The following LRP12 variants were observed in gnomAD, a reference collection of about 807,000 sequenced individuals.
The protein encoded by LRP12 is low-density lipoprotein receptor-related protein 12.
LRP12 carries 14 observed loss-of-function variants against 66.0 expected under a neutral mutation model. The ratio of observed to expected loss-of-function variants is 0.21; its 90% CI spans 0.14 to 0.33. The LOEUF is 0.33. LRP12 is among the 10% of genes least tolerant of loss of function. The pLI, the probability that LRP12 is intolerant of heterozygous loss-of-function variation, is 1.00. For synonymous variants in LRP12, 357 were observed against 359.1 expected, an observed-to-expected ratio of 0.99 and a Z score of 0.07; for missense variants, 889 against 1,053.4, an observed-to-expected ratio of 0.84 and a Z score of 2.16.
intron 1 of LRP12, among the ~76,000 whole-genome samples, chr8:104,578,608 A>G (rs547924220): frequency 6.6e-6 from 1 of 152,268 alleles, no homozygotes; most frequent in African/African-American, 2.4e-5. Context: ...AAGCAAAAAC[A>G]AAAAACTTAC....
At position 104,491,416 on chromosome 8, in the gene LRP12, G is replaced by C. The variant is rs770819286; in HGVS notation, c.1837C>G (p.Arg613Gly). The C allele has an allele frequency of 2.5e-6, 4 of 1,614,020 alleles. No individual in the cohort carries two copies. In the South Asian group the frequency reaches 4.4e-5, roughly 18 times the overall value. The change falls in exon 7 of 7, where the codon CGT becomes GGT. Residue 613 changes from arginine to glycine, a missense_variant. Transcript: ENST00000276654. ...WNRIFNFARS[R>G]HSGSLALVSA... ...ACCAAAGCCAATGACCCAGAATGAC[G>C]TGATCTTGCAAAATTAAAAATACGG...
chr8:104,530,930 G>C (rs1465611724), intron 2 of LRP12, among the ~76,000 whole-genome samples: 1 of 152,056 alleles, frequency 6.6e-6, no homozygotes, highest in African/African-American at 2.4e-5. Context: ...AATTGATGCA[G>C]GCACTGAAGC....
chr8:104,519,449 T>G (rs2140851944), intron 2 of LRP12, among the ~76,000 whole-genome samples: 1 of 152,146 alleles, frequency 6.6e-6, no homozygotes, highest in Non-Finnish European at 1.5e-5. Context: ...GGACCAAAAG[T>G]GTTTTGGATT....
At chr8:104,556,191 CT>C (rs751405595) in intron 1 of LRP12, among the ~76,000 whole-genome samples, 18 of 152,154 alleles carry the variant, frequency 1.2e-4, no homozygotes, top group Non-Finnish European at 2.2e-4. Context: ...CATTAACTGC[CT>C]ACATCAAAAA....
chr8:104,533,097 A>G (rs1229995831), intron 1 of LRP12, among the ~76,000 whole-genome samples: 1 of 152,258 alleles, frequency 6.6e-6, no homozygotes, highest in East Asian at 1.9e-4. Context: ...GAAAACATAC[A>G]TTATATTTCC....
chr8:104,570,430 C>T (rs1344823861), intron 1 of LRP12, among the ~76,000 whole-genome samples: 3 of 152,076 alleles, frequency 2.0e-5, no homozygotes, highest in Non-Finnish European at 2.9e-5. Flanking sequence ...AAATGATAGA[C>T]ACAGAACAAT....
intron 1 of LRP12, among the ~76,000 whole-genome samples, chr8:104,580,367 A>AT (rs1188124859): frequency 7.3e-5 from 11 of 151,248 alleles, no homozygotes; most frequent in Admixed American, 3.3e-4. Flanking sequence ...ATAAAAAAAA[A>AT]AAAAAAAAAA....
At chr8:104,496,368 T>C (rs1304829874) in intron 5 of LRP12, among the ~76,000 whole-genome samples, 3 of 152,210 alleles carry the variant, frequency 2.0e-5, no homozygotes, top group Non-Finnish European at 4.4e-5. Context: ...TCCTAGGTTA[T>C]TGCTTTAACA....
intron 1 of LRP12, among the ~76,000 whole-genome samples, chr8:104,555,013 T>A (rs1811783317): frequency 6.6e-6 from 1 of 152,192 alleles, no homozygotes; most frequent in African/African-American, 2.4e-5. Flanking sequence ...GAATTCTGTA[T>A]CCAGCAAAAC....
intron 1 of LRP12, among the ~76,000 whole-genome samples, chr8:104,551,464 C>A (rs1395599047): frequency 6.6e-6 from 1 of 152,112 alleles, no homozygotes; most frequent in Non-Finnish European, 1.5e-5. Context: ...TAGATCCTAT[C>A]ACCCAGATAG....
chr8:104,498,529 T>C (rs1375965733), intron 4 of LRP12, among the ~76,000 whole-genome samples: 1 of 152,210 alleles, frequency 6.6e-6, no homozygotes, highest in Non-Finnish European at 1.5e-5. Flanking sequence ...GCTTCATCCA[T>C]CCATCCAGCT....
intron 1 of LRP12, among the ~76,000 whole-genome samples, chr8:104,557,756 A>C (rs967254099): frequency 6.6e-6 from 1 of 152,176 alleles, no homozygotes; most frequent in Non-Finnish European, 1.5e-5. Flanking sequence ...TTTTCACAGA[A>C]CTAGAAAAAA....
chr8:104,560,100 C>A (rs1360369862), intron 1 of LRP12, among the ~76,000 whole-genome samples: 1 of 152,070 alleles, frequency 6.6e-6, no homozygotes, highest in Non-Finnish European at 1.5e-5. Context: ...CCTCACTATA[C>A]CTTCCAAAAT....
At chr8:104,558,174 C>A (rs1811842283) in intron 1 of LRP12, among the ~76,000 whole-genome samples, 1 of 152,034 alleles carries the variant, frequency 6.6e-6, no homozygotes, top group African/African-American at 2.4e-5. Context: ...CACACCACTG[C>A]ACTCCAGCTT....
chr8:104,572,163 T>C (rs1446067458), intron 1 of LRP12, among the ~76,000 whole-genome samples: 1 of 152,222 alleles, frequency 6.6e-6, no homozygotes, highest in Non-Finnish European at 1.5e-5. Context: ...CAAATGGTTA[T>C]GTGTTGGACA....
At chr8:104,586,370 T>C (rs1298255254) in intron 1 of LRP12, among the ~76,000 whole-genome samples, 1 of 152,254 alleles carries the variant, frequency 6.6e-6, no homozygotes, top group Non-Finnish European at 1.5e-5. Context: ...CATTTAAGAG[T>C]CACTCTGTGA....
At chr8:104,515,982 G>T (rs185226872) in intron 2 of LRP12, among the ~76,000 whole-genome samples, 3 of 152,144 alleles carry the variant, frequency 2.0e-5, no homozygotes, top group African/African-American at 7.2e-5. Context: ...TTGAACTCTT[G>T]AGCTCAAATA....
rs201904932 is a variant in LRP12 at position 104,558,233 on chromosome 8, GAAAC to G, written c.80-26274_80-26271del. ...AAAAACAAACAAACAAAAAAAAACA[GAAAC>G]AAACAAACAAAAAGGCACGTAGACC... On this transcript the variant is annotated intron_variant, in intron 1 of 6. Transcript: ENST00000276654. 6.0e-3 allele frequency among the ~76,000 whole-genome samples: 902 copies of G among 151,198 alleles called. 10 individuals carry two copies. Among genetic ancestry groups the G allele is most frequent in the African/African-American group, 0.019 (777 of 41,278 alleles).
chr8:104,557,486 T>C (rs1054993485), intron 1 of LRP12, among the ~76,000 whole-genome samples: 1 of 150,256 alleles, frequency 6.7e-6, no homozygotes, highest in Non-Finnish European at 1.5e-5. Flanking sequence ...ACACCAACAG[T>C]AACCAGGCTG....
Sources: gnomAD v4.1 joint callset for allele counts (sites outside exome capture counted in the v4.1 genomes callset) on GRCh38, gnomAD v4.1.1 for gene constraint, MANE v1.5 for transcripts, NCBI Gene and HGNC (gene_info 2026-07-23, HGNC 2026-07-21) for gene names.